HIBCH: variants seen among roughly 807,000 people sequenced by gnomAD.
HIBCH encodes the protein 3-hydroxyisobutyryl-CoA hydrolase, mitochondrial.
Under a neutral mutation model 58.2 loss-of-function variants are expected in HIBCH, and 50 were observed. The observed-to-expected ratio is 0.86, with a 90% confidence interval of 0.68 to 1.09. The LOEUF (loss-of-function observed/expected upper bound fraction) is 1.09, where lower values mean the gene tolerates loss of function less well. Among genes scored for constraint, HIBCH ranks in the 50% least tolerant of loss-of-function variants. The pLI, the probability that HIBCH is intolerant of heterozygous loss-of-function variation, is 0.00. For synonymous variants in HIBCH, 151 were observed against 146.9 expected (o/e 1.03, Z -0.20); for missense variants, 450 against 449.7 (o/e 1.00, Z -0.01).
chr2:190,269,987 T>C (rs1327051477), intron 6 of HIBCH, among the ~76,000 whole-genome samples: 1 of 151,764 alleles, frequency 6.6e-6, no homozygotes, highest in East Asian at 1.9e-4. Context: ...GAAAACCAAA[T>C]GTATGTTCTC....
chr2:190,221,960 A>C (rs964694661), intron 11 of HIBCH, among the ~76,000 whole-genome samples: 2 of 152,230 alleles, frequency 1.3e-5, no homozygotes, highest in Non-Finnish European at 2.9e-5. Context: ...CAATATGTTC[A>C]TGAGACCTCA....
chr2:190,232,939 C>CA (rs1433303744), intron 11 of HIBCH, among the ~76,000 whole-genome samples: 1 of 151,572 alleles, frequency 6.6e-6, no homozygotes, highest in Non-Finnish European at 1.5e-5. Context: ...GCCTGGGTGA[C>CA]AGAGCAAGAC....
In HIBCH at chr2:190,310,913, GT is replaced by G. The variant is rs36074132; in HGVS notation, c.36-118del. The G allele has an allele frequency of 0.78, 592,098 of 757,098 alleles. 235,900 individuals are homozygous for G. The highest frequency in any genetic ancestry group is 0.85 in the African/African-American group (49,584 of 58,062). The allele number at this position is 757,098 out of a possible 1,614,324, so 46.9% of individuals were successfully genotyped here. On this transcript the variant is annotated intron_variant, in intron 1 of 13. Transcript: ENST00000359678. Reference sequence around the variant, plus strand: ...CTAAAAGGTATTACCAGAACAAAAAGTTTTAAAAGGTTTAGCTCTCATTCAC... The same window carrying G: ...CTAAAAGGTATTACCAGAACAAAAAGTTTAAAAGGTTTAGCTCTCATTCAC...
chr2:190,262,618 C>T (rs569004393), intron 6 of HIBCH, among the ~76,000 whole-genome samples: 1 of 152,190 alleles, frequency 6.6e-6, no homozygotes, highest in Admixed American at 6.5e-5. Flanking sequence ...CATTCCTTTA[C>T]AAAGGAACAA....
downstream of HIBCH, among the ~76,000 whole-genome samples, chr2:190,203,760 G>C (rs1342006246): frequency 1.3e-5 from 2 of 152,032 alleles, no homozygotes; most frequent in Non-Finnish European, 2.9e-5. Flanking sequence ...TAAGAACTGA[G>C]AAAACATAAA....
chr2:190,192,912 T>C (rs1293761924), intron 1 of HIBCH, among the ~76,000 whole-genome samples: 1 of 152,108 alleles, frequency 6.6e-6, no homozygotes, highest in Non-Finnish European at 1.5e-5. Context: ...GGGGAGGCCA[T>C]ATAATCTTTA....
In HIBCH at chr2:190,249,630, A is replaced by T; in HGVS notation, c.750+10T>A. 1 of 1,503,208 alleles carries T rather than the reference A, an allele frequency of 6.7e-7. No homozygotes were observed. Among genetic ancestry groups the T allele is most frequent in the Admixed American group, 1.7e-5 (1 of 59,752 alleles). The allele number at this position is 1,503,208 out of a possible 1,614,324, so 93.1% of individuals were successfully genotyped here. The stretch of plus-strand genomic sequence containing the variant: ...ATTAAAACCTGAGGTTAGAATATTA[A>T]CAAGATTACCTCTGTATGGTAATTT... On this transcript the variant is annotated intron_variant, in intron 9 of 13. Coordinates refer to ENST00000359678, the MANE Select transcript of HIBCH (RefSeq NM_014362.4).
intron 2 of HIBCH, among the ~76,000 whole-genome samples, chr2:190,299,216 C>T (rs1688193762): frequency 6.6e-6 from 1 of 152,156 alleles, no homozygotes; most frequent in South Asian, 2.1e-4. Flanking sequence ...CCTAGAAGTA[C>T]ATATTTTGAC....
intron 2 of HIBCH, among the ~76,000 whole-genome samples, chr2:190,301,990 T>C (rs370963480): frequency 6.6e-6 from 1 of 152,184 alleles, no homozygotes. Context: ...GAGGGACACA[T>C]ACATTCAAAC....
chr2:190,294,379 T>C (rs899202008), intron 4 of HIBCH, among the ~76,000 whole-genome samples, 167 bp downstream of exon 4: 1 of 152,160 alleles, frequency 6.6e-6, no homozygotes, highest in Non-Finnish European at 1.5e-5. Context: ...TAATACTAAC[T>C]GCAGAAAGTA....
At chr2:190,242,819 T>C (rs1211301359) in intron 11 of HIBCH, among the ~76,000 whole-genome samples, 1 of 152,214 alleles carries the variant, frequency 6.6e-6, no homozygotes, top group African/African-American at 2.4e-5. Flanking sequence ...CTTTATTTCC[T>C]TTTCCTTTAT....
intron 6 of HIBCH, among the ~76,000 whole-genome samples, chr2:190,286,725 T>C (rs147765118): frequency 1.4e-4 from 21 of 152,336 alleles, no homozygotes; most frequent in African/African-American, 4.8e-4. Context: ...TTCTCTGTAA[T>C]AGCACAGAGG....
intron 2 of HIBCH, among the ~76,000 whole-genome samples, chr2:190,309,558 A>ATT (rs201893817): frequency 1.4e-5 from 2 of 143,962 alleles, no homozygotes; most frequent in South Asian, 2.2e-4. Context: ...ACTATGCTAG[A>ATT]TTTTTTTTTT....
intron 4 of HIBCH, among the ~76,000 whole-genome samples, chr2:190,292,272 A>C (rs74270993): frequency 6.6e-6 from 1 of 151,808 alleles, no homozygotes; most frequent in Non-Finnish European, 1.5e-5. Flanking sequence ...TCTTCCTTCA[A>C]AATGTTCCAT....
intron 1 of HIBCH, chr2:190,311,148 T>C (rs2124862843): frequency 7.1e-6 from 3 of 423,338 alleles, no homozygotes; most frequent in South Asian, 2.0e-5. Context: ...GAAACTTAAA[T>C]GCATACATAC....
At chr2:190,255,107 G>C (rs571150034) in intron 7 of HIBCH, among the ~76,000 whole-genome samples, 1 of 152,264 alleles carries the variant, frequency 6.6e-6, no homozygotes, top group South Asian at 2.1e-4. Flanking sequence ...AAAGCAGCCA[G>C]AATCATGGTA....
chr2:190,231,118 G>T (rs1686083068), intron 11 of HIBCH, among the ~76,000 whole-genome samples: 1 of 152,208 alleles, frequency 6.6e-6, no homozygotes. Flanking sequence ...GGGGAAGAAA[G>T]AAGTCTTTTC....
rs1175137128 is a variant in HIBCH, at chr2:190,206,011, T to C, written c.1046-779A>G. ...CAATGATCTCCAAATTTTAATGTTA[T>C]GGTTGTGGCAGCAAATTTCAACCAT... On this transcript the variant is annotated intron_variant, in intron 13 of 13. Transcript: ENST00000359678. This position sits in a 1 kb window ranked among gnomAD's most constrained non-coding sequence, Gnocchi z 5.1. Among the ~76,000 whole-genome samples the C allele has an allele frequency of 6.6e-6, 1 of 152,222 alleles. No homozygotes were observed. The highest frequency in any genetic ancestry group is 1.5e-5 in the Non-Finnish European group (1 of 68,034).
At chr2:190,240,988 G>C (rs957183270) in intron 11 of HIBCH, among the ~76,000 whole-genome samples, 1 of 152,122 alleles carries the variant, frequency 6.6e-6, no homozygotes, top group Non-Finnish European at 1.5e-5. Flanking sequence ...ATGTCTATTA[G>C]GTCCACTTGG....
Sources: allele counts gnomAD v4.1 joint callset (sites outside exome capture counted in the v4.1 genomes callset), GRCh38; gene constraint gnomAD v4.1.1; non-coding constraint Gnocchi (gnomAD v3.1); transcripts MANE v1.5; gene names NCBI Gene and HGNC (gene_info 2026-07-23, HGNC 2026-07-21).